The following CYP2C19 variants were observed in gnomAD, a reference collection of about 807,000 sequenced individuals.
CYP2C19 encodes cytochrome P450 2C19.
A neutral mutation model predicts 40.9 loss-of-function variants in CYP2C19; 59 were observed. The observed-to-expected ratio is 1.44, with a 90% confidence interval of 1.17 to 1.79. CYP2C19 has a LOEUF of 1.79. Among genes scored for constraint, CYP2C19 ranks in the 40% most tolerant of loss-of-function variants. The probability of loss-of-function intolerance (pLI) is 0.00; values close to 1 mark genes in which losing one functional copy is unlikely to be tolerated. For missense variants in CYP2C19, 754 were observed against 596.9 expected (o/e 1.26, Z -2.74); for synonymous variants, 253 against 208.7 (o/e 1.21, Z -1.83).
chr10:94,801,116 C>A (rs1030260159), intron 5 of CYP2C19, among the ~76,000 whole-genome samples: 2 of 152,176 alleles, frequency 1.3e-5, no homozygotes, highest in Non-Finnish European at 2.9e-5. Context: ...ATGCTGGGAG[C>A]TGCAGACCAG....
intron 6 of CYP2C19, among the ~76,000 whole-genome samples, chr10:94,828,413 T>C (rs1317582013): frequency 1.3e-5 from 2 of 150,540 alleles, no homozygotes; most frequent in East Asian, 1.9e-4. Flanking sequence ...TTTACCATTA[T>C]GTAATGGCCT....
intron 5 of CYP2C19, among the ~76,000 whole-genome samples, chr10:94,793,893 A>G (rs111587839): frequency 2.0e-5 from 3 of 152,274 alleles, no homozygotes; most frequent in African/African-American, 7.2e-5. Context: ...AAGCTGTCAG[A>G]TAGGGACGTT....
chr10:94,852,995 C>A lies in CYP2C19; in HGVS notation c.*81C>A. 7.1e-7 allele frequency: 1 copy of A among 1,416,386 alleles called. No homozygotes were observed. The highest frequency in any genetic ancestry group is 9.8e-7 in the Non-Finnish European group (1 of 1,018,198). The allele number at this position is 1,416,386 out of a possible 1,614,324, so 87.7% of individuals were successfully genotyped here. A position where few individuals can be genotyped will look rare whatever the true frequency, so the allele number is the denominator to read the frequency against. On this transcript the variant is annotated 3_prime_UTR_variant, in exon 9 of 9. Transcript: ENST00000371321. ...GGTCCAAATTTCACTATCTGTGATG[C>A]TTCTTCTGACCCGTCATCTCACATT...
chr10:94,822,762 A>G (rs1022567565), intron 6 of CYP2C19, among the ~76,000 whole-genome samples: 2 of 152,112 alleles, frequency 1.3e-5, no homozygotes, highest in South Asian at 2.1e-4. Flanking sequence ...AATATTAATA[A>G]TTGCCATTCT....
At chr10:94,795,190 TCTC>T (rs1262472179) in intron 5 of CYP2C19, among the ~76,000 whole-genome samples, 1 of 131,618 alleles carries the variant, frequency 7.6e-6, no homozygotes, top group South Asian at 2.6e-4. Flanking sequence ...TGTGTGATAT[TCTC>T]CTTCCTGTGT....
chr10:94,844,815 T>C (rs562459410), intron 7 of CYP2C19, among the ~76,000 whole-genome samples: 2 of 152,292 alleles, frequency 1.3e-5, no homozygotes, highest in South Asian at 4.1e-4. Flanking sequence ...GTAATAGTAA[T>C]GAAACTTATT....
In CYP2C19 at chr10:94,818,534, C is replaced by T. The variant is rs1849051843; in HGVS notation, c.820-1962C>T. On this transcript the variant is annotated intron_variant, in intron 5 of 8. Coordinates refer to ENST00000371321, the MANE Select transcript of CYP2C19 (RefSeq NM_000769.4). ...TTCCTACCCATGAGCATGGAATGTT[C>T]TTCCATTTGTTTGTATCCTCTTTTA... 2.8e-5 allele frequency among the ~76,000 whole-genome samples: 4 copies of T among 144,210 alleles called. No individual in the cohort carries two copies. In the South Asian group the frequency reaches 9.2e-4, roughly 33 times the overall value. 94.6% of individuals were successfully genotyped at this position (144,210 alleles called of 152,430 possible).
intron 6 of CYP2C19, 118 bp from the exon 7 acceptor site, chr10:94,842,719 T>C: frequency 2.6e-6 from 3 of 1,144,412 alleles, no homozygotes; most frequent in East Asian, 2.4e-5. Flanking sequence ...TCCAGCACTA[T>C]AATTTAAATT....
intron 4 of CYP2C19, 130 bp downstream of exon 4, chr10:94,780,789 G>T (rs1268160345): frequency 3.1e-6 from 3 of 980,218 alleles, no homozygotes; most frequent in South Asian, 1.6e-5. Context: ...CAGCCATGGG[G>T]TGAATATCTG....
chr10:94,808,449 TTTAAG>T (rs1252967872), intron 5 of CYP2C19, among the ~76,000 whole-genome samples: 2 of 152,188 alleles, frequency 1.3e-5, no homozygotes, highest in African/African-American at 2.4e-5. Context: ...AATTATACTC[TTTAAG>T]TTATTTAAAA....
chr10:94,802,626 A>G (rs1465980922), intron 5 of CYP2C19, among the ~76,000 whole-genome samples: 1 of 152,112 alleles, frequency 6.6e-6, no homozygotes, highest in African/African-American at 2.4e-5. Context: ...TCCTGTCACT[A>G]TGATGTTAGC....
Position 94,833,787 on chromosome 10 carries a change from T to C in CYP2C19, c.962-9050T>C, listed in dbSNP as rs187833913. 2.1e-3 allele frequency among the ~76,000 whole-genome samples: 313 copies of C among 152,384 alleles called. 2 individuals carry two copies. Among genetic ancestry groups the C allele is most frequent in the Non-Finnish European group, 3.4e-3 (233 of 68,032 alleles). ...TGGTTTTTATCCTTCATTCTGTTGA[T>C]ATGATGTATCACACTGCTTGATTTC... On this transcript the variant is annotated intron_variant, in intron 6 of 8. Transcript: ENST00000371321.
At chr10:94,785,371 C>A (rs894360578) in intron 5 of CYP2C19, among the ~76,000 whole-genome samples, 1 of 152,038 alleles carries the variant, frequency 6.6e-6, no homozygotes, top group African/African-American at 2.4e-5. Flanking sequence ...CAGCTACATT[C>A]TTTTGTATTT....
intron 5 of CYP2C19, among the ~76,000 whole-genome samples, chr10:94,812,736 T>C (rs1295531116): frequency 2.0e-5 from 3 of 151,852 alleles, no homozygotes; most frequent in African/African-American, 7.2e-5. Flanking sequence ...AGGTCACTCA[T>C]GTTCTTCTCT....
At chr10:94,794,822 TA>T (rs781571000) in intron 5 of CYP2C19, among the ~76,000 whole-genome samples, 5 of 152,064 alleles carry the variant, frequency 3.3e-5, no homozygotes, top group Non-Finnish European at 7.3e-5. Context: ...ATGGTTTTTC[TA>T]AATACACAAT....
intron 5 of CYP2C19, 66 bp downstream of exon 5, chr10:94,782,063 G>T (rs1288430063): frequency 2.9e-6 from 4 of 1,374,294 alleles, no homozygotes; most frequent in South Asian, 3.0e-5. Context: ...GACTAGTTTT[G>T]TGTTTACTAC....
intron 5 of CYP2C19, among the ~76,000 whole-genome samples, chr10:94,812,759 G>A (rs544959618): frequency 8.3e-4 from 125 of 151,444 alleles, no homozygotes; most frequent in African/African-American, 2.0e-3. Flanking sequence ...TTAGCAATTC[G>A]TCTAACATTT....
chr10:94,847,616 C>G (rs563097433), intron 7 of CYP2C19, among the ~76,000 whole-genome samples: 1 of 152,046 alleles, frequency 6.6e-6, no homozygotes, highest in Non-Finnish European at 1.5e-5. Flanking sequence ...CTGGGTCAAG[C>G]GGTATTTCTA....
intron 1 of CYP2C19, chr10:94,773,858 C>T (rs1848368585): frequency 6.6e-6 from 1 of 152,208 alleles, no homozygotes; most frequent in East Asian, 1.9e-4. Flanking sequence ...CAGGTTGCCA[C>T]TGCTGGCTTG....
Sources: allele counts gnomAD v4.1 joint callset (sites outside exome capture counted in the v4.1 genomes callset), GRCh38; gene constraint gnomAD v4.1.1; transcripts MANE v1.5; gene names NCBI Gene and HGNC (gene_info 2026-07-23, HGNC 2026-07-21).